Variants in STPG2 observed in about 807,000 individuals in gnomAD.
The protein encoded by STPG2 is sperm-tail PG-rich repeat-containing protein 2.
STPG2 carries 56 observed loss-of-function variants against 54.2 expected under a neutral mutation model. The ratio of observed to expected loss-of-function variants is 1.03; its 90% CI spans 0.83 to 1.29. STPG2 has a LOEUF of 1.29. Ranked by LOEUF, STPG2 falls within the 50% of genes most tolerant of loss-of-function variation. STPG2 has a pLI of 0.00. For missense variants in STPG2, 596 were observed against 544.9 expected, an observed-to-expected ratio of 1.09 and a Z score of -0.93; for synonymous variants, 200 against 181.8, an observed-to-expected ratio of 1.10 and a Z score of -0.81.
intron 5 of STPG2, among the ~76,000 whole-genome samples, chr4:98,009,839 G>C (rs754448800): frequency 6.6e-6 from 1 of 151,912 alleles, no homozygotes; most frequent in Non-Finnish European, 1.5e-5. Flanking sequence ...CAATCTCAGG[G>C]TTGTATGTGT....
intron 5 of STPG2, among the ~76,000 whole-genome samples, chr4:98,018,809 ATGTCTTCTTTTGAGAAG>A (rs1055859832): frequency 2.6e-5 from 4 of 151,366 alleles, no homozygotes; most frequent in African/African-American, 9.7e-5. Context: ...GGCTGCATAA[ATGTCTTCTTTTGAGAAG>A]TGTCTTTTCA....
At chr4:97,472,645 T>A (rs931316691) in intron 4 of STPG2, among the ~76,000 whole-genome samples, 3 of 152,172 alleles carry the variant, frequency 2.0e-5, no homozygotes, top group Non-Finnish European at 4.4e-5. Flanking sequence ...TACATCTAGA[T>A]AATGGAATAC....
chr4:97,977,205 C>A (rs987013291), intron 6 of STPG2, among the ~76,000 whole-genome samples: 1 of 152,124 alleles, frequency 6.6e-6, no homozygotes, highest in Non-Finnish European at 1.5e-5. Context: ...ACAAAGATCG[C>A]ATGACTATCA....
chr4:97,868,722 C>A (rs1729879403), intron 8 of STPG2, among the ~76,000 whole-genome samples: 1 of 151,782 alleles, frequency 6.6e-6, no homozygotes, highest in African/African-American at 2.4e-5. Flanking sequence ...TTTTTTCCTG[C>A]ACAGCTGTTA....
chr4:97,734,839 G>A lies in STPG2; in HGVS notation c.1205-22025C>T, dbSNP rs539529305. 5.9e-5 allele frequency among the ~76,000 whole-genome samples: 9 copies of A among 152,168 alleles called. No homozygotes were observed. The South Asian group carries it at 8.3e-4, about 14-fold the overall frequency. ...TGTAATCCTAGCACTTTGGGGGGCC[G>A]AGGCAGGTGGATCACAAGGTCAGCA... is the stretch of plus-strand genomic sequence containing the variant. On this transcript the variant is annotated intron_variant, in intron 9 of 10. Coordinates refer to ENST00000295268, the MANE Select transcript of STPG2 (RefSeq NM_174952.3).
chr4:97,590,758 G>T (rs1733125596), intron 10 of STPG2, among the ~76,000 whole-genome samples: 1 of 151,024 alleles, frequency 6.6e-6, no homozygotes, highest in Non-Finnish European at 1.5e-5. Flanking sequence ...GAATGATAAA[G>T]AAATTAATAA....
chr4:98,047,260 G>T (rs1737158675), intron 5 of STPG2, among the ~76,000 whole-genome samples: 1 of 152,262 alleles, frequency 6.6e-6, no homozygotes, highest in South Asian at 2.1e-4. Context: ...GCTTATGTGT[G>T]GATAAACTGA....
intron 9 of STPG2, among the ~76,000 whole-genome samples, chr4:97,840,284 G>A (rs1020836092): frequency 6.6e-6 from 1 of 151,320 alleles, no homozygotes; most frequent in African/African-American, 2.4e-5. Flanking sequence ...AGCATGTTAT[G>A]AGTTCTGTTT....
At chr4:97,570,411 T>G (rs891012806) in intron 10 of STPG2, among the ~76,000 whole-genome samples, 3 of 152,120 alleles carry the variant, frequency 2.0e-5, no homozygotes, top group African/African-American at 7.2e-5. Context: ...TATAAATGAT[T>G]GTTGAGCTGA....
intron 8 of STPG2, among the ~76,000 whole-genome samples, chr4:97,905,568 T>C (rs1028970690): frequency 3.4e-5 from 5 of 148,506 alleles, no homozygotes; most frequent in East Asian, 2.0e-4. Context: ...AAATAACCAG[T>C]TAACATCATA....
chr4:97,786,512 T>C (rs503863), intron 9 of STPG2, among the ~76,000 whole-genome samples: 88,598 of 151,974 alleles, frequency 0.58, 26,402 homozygotes, highest in East Asian at 0.74. Flanking sequence ...TCACTTTCTG[T>C]GGTTGCAGTC....
intron 8 of STPG2, among the ~76,000 whole-genome samples, chr4:97,857,360 A>T (rs932962527): frequency 3.9e-5 from 6 of 152,032 alleles, no homozygotes; most frequent in Non-Finnish European, 7.4e-5. Context: ...CTATTCAGGG[A>T]TTCCATTTCT....
intron 8 of STPG2, among the ~76,000 whole-genome samples, chr4:97,875,905 T>C (rs1560566715): frequency 6.6e-6 from 1 of 151,932 alleles, no homozygotes; most frequent in African/African-American, 2.4e-5. Flanking sequence ...ATGGGACATA[T>C]TAGAAAGAGA....
At chr4:97,476,870 T>C (rs903215362) in intron 4 of STPG2, among the ~76,000 whole-genome samples, 1 of 152,212 alleles carries the variant, frequency 6.6e-6, no homozygotes, top group African/African-American at 2.4e-5. Context: ...ATTCTCTTTC[T>C]GAATCAGTAA....
intron 10 of STPG2, among the ~76,000 whole-genome samples, chr4:97,651,257 G>T (rs1255819214): frequency 6.6e-6 from 1 of 151,688 alleles, no homozygotes; most frequent in Non-Finnish European, 1.5e-5. Flanking sequence ...AGACATTATT[G>T]TTTGTATGTC....
At chr4:97,585,111 A>AAC (rs1348330768) in intron 10 of STPG2, among the ~76,000 whole-genome samples, 1 of 146,948 alleles carries the variant, frequency 6.8e-6, no homozygotes, top group Non-Finnish European at 1.5e-5. Context: ...CAAAAAAAAA[A>AAC]AAAAAAAAAA....
At chr4:97,718,784 G>A (rs1724364844) in intron 9 of STPG2, among the ~76,000 whole-genome samples, 1 of 151,900 alleles carries the variant, frequency 6.6e-6, no homozygotes, top group Non-Finnish European at 1.5e-5. Flanking sequence ...CTATGATCCT[G>A]TAATCATGTA....
intron 6 of STPG2, among the ~76,000 whole-genome samples, chr4:97,974,515 C>A (rs1170789272): frequency 6.6e-6 from 1 of 152,176 alleles, no homozygotes; most frequent in African/African-American, 2.4e-5. Flanking sequence ...ACCCAAATTT[C>A]ATCTTGAACT....
intron 4 of STPG2, among the ~76,000 whole-genome samples, chr4:97,550,669 C>G (rs541185060): frequency 3.3e-5 from 5 of 152,134 alleles, no homozygotes; most frequent in Admixed American, 6.5e-5. Flanking sequence ...AGCTGCGGAC[C>G]CTTGTGGTGA....
Sources: gnomAD v4.1 joint callset for allele counts (sites outside exome capture counted in the v4.1 genomes callset) on GRCh38, gnomAD v4.1.1 for gene constraint, MANE v1.5 for transcripts, NCBI Gene and HGNC (gene_info 2026-07-23, HGNC 2026-07-21) for gene names.